Variants in CDKAL1 observed in about 807,000 individuals in gnomAD.
The protein encoded by CDKAL1 is CDKAL1 threonylcarbamoyladenosine tRNA methylthiotransferase.
Under a neutral mutation model 68.2 loss-of-function variants are expected in CDKAL1, and 32 were observed. The ratio of observed to expected loss-of-function variants is 0.47; its 90% CI spans 0.35 to 0.63. The LOEUF (loss-of-function observed/expected upper bound fraction) is 0.63. Ranked by LOEUF, CDKAL1 falls within the 30% of genes least tolerant of loss-of-function variation. The pLI, the probability that CDKAL1 is intolerant of heterozygous loss-of-function variation, is 0.00. For synonymous variants in CDKAL1, 234 were observed against 244.3 expected (o/e 0.96, Z 0.39); for missense variants, 606 against 696.7 (o/e 0.87, Z 1.47).
chr6:20,925,025 G>C (rs1561888789), intron 9 of CDKAL1, among the ~76,000 whole-genome samples: 1 of 152,178 alleles, frequency 6.6e-6, no homozygotes, highest in Non-Finnish European at 1.5e-5. Context: ...ATGCTACAGA[G>C]AATCTTTTGT....
At chr6:20,658,954 A>G (rs1021938125) in intron 5 of CDKAL1, among the ~76,000 whole-genome samples, 2 of 152,114 alleles carry the variant, frequency 1.3e-5, no homozygotes, top group African/African-American at 4.8e-5. Flanking sequence ...AGCTGGGACT[A>G]CAGGCATACA....
chr6:20,779,560 C>A (rs1166118095), intron 7 of CDKAL1, among the ~76,000 whole-genome samples: 1 of 152,146 alleles, frequency 6.6e-6, no homozygotes, highest in Non-Finnish European at 1.5e-5. Flanking sequence ...ATCCTGTGTT[C>A]TAAAATTGAG....
intron 9 of CDKAL1, among the ~76,000 whole-genome samples, chr6:20,914,095 C>G (rs1372748993): frequency 2.0e-5 from 3 of 152,152 alleles, no homozygotes; most frequent in African/African-American, 7.2e-5. Context: ...CGAGACCACC[C>G]TGGCTAACAC....
chr6:20,762,231 GC>G (rs577359693), intron 7 of CDKAL1, among the ~76,000 whole-genome samples: 4 of 152,166 alleles, frequency 2.6e-5, no homozygotes, highest in Non-Finnish European at 5.9e-5. Context: ...TTACTGATGA[GC>G]GTGGACTTGA....
chr6:21,225,202 T>C (rs1461172831), intron 15 of CDKAL1, among the ~76,000 whole-genome samples: 2 of 151,908 alleles, frequency 1.3e-5, no homozygotes, highest in Non-Finnish European at 2.9e-5. Flanking sequence ...GGGTGGGCAG[T>C]GGTTGAGAGA....
chr6:21,159,279 C>A (rs914733543), intron 13 of CDKAL1, among the ~76,000 whole-genome samples: 2 of 152,102 alleles, frequency 1.3e-5, no homozygotes, highest in Non-Finnish European at 2.9e-5. Context: ...ACATTTCACA[C>A]TGATTATAAG....
intron 10 of CDKAL1, among the ~76,000 whole-genome samples, chr6:20,972,728 G>A (rs1430824918): frequency 3.3e-5 from 5 of 152,128 alleles, no homozygotes; most frequent in Non-Finnish European, 7.4e-5. Flanking sequence ...AAGCATGCTT[G>A]ATTTTAGAAC....
At chr6:20,756,835 C>CCTTT (rs1192650676) in intron 6 of CDKAL1, 47 of 127,118 alleles carry the variant, frequency 3.7e-4, no homozygotes, top group Non-Finnish European at 6.3e-4. Context: ...TTCCTTCCTT[C>CCTTT]CTTTCTTCCT....
chr6:20,758,789 AT>A, intron 7 of CDKAL1, 146 bp downstream of exon 7: 1 of 619,660 alleles, frequency 1.6e-6, no homozygotes, highest in Non-Finnish European at 2.7e-6. Flanking sequence ...GGCTTCATGA[AT>A]TTGCCAGTCT....
intron 11 of CDKAL1, among the ~76,000 whole-genome samples, chr6:21,029,686 T>C (rs927016147): frequency 6.6e-6 from 1 of 152,082 alleles, no homozygotes; most frequent in African/African-American, 2.4e-5. Flanking sequence ...CAGACACTTC[T>C]CAAAAGAGGA....
At chr6:20,745,869 G>A (rs1361949538) in intron 6 of CDKAL1, among the ~76,000 whole-genome samples, 1 of 152,182 alleles carries the variant, frequency 6.6e-6, no homozygotes, top group African/African-American at 2.4e-5. Context: ...TTATTAATTG[G>A]TATTTTACAT....
rs546477258 is a variant in CDKAL1, at chr6:20,874,497, ATTTG to A, written c.742+28335_742+28338del. Among the ~76,000 whole-genome samples, 102 of 150,478 alleles carry A rather than the reference ATTTG, an allele frequency of 6.8e-4. No individual in the cohort carries two copies. The East Asian group carries it at 0.015, about 23-fold the overall frequency. On this transcript the variant is annotated intron_variant, in intron 9 of 15. Transcript: ENST00000274695. ...TTTTTTTTGTATTTTTATTTTATTTATTTGTTTGTTTGTTTGTTTATTTTTAAAC... is the reference window on the plus strand; with the variant it reads ...TTTTTTTTGTATTTTTATTTTATTTATTTGTTTGTTTGTTTATTTTTAAAC...
At chr6:21,221,098 C>T (rs1021903141) in intron 15 of CDKAL1, among the ~76,000 whole-genome samples, 2 of 151,818 alleles carry the variant, frequency 1.3e-5, no homozygotes, top group Non-Finnish European at 1.5e-5. Flanking sequence ...ACCCGGGAGG[C>T]GGAGGTTGCA....
chr6:20,838,867 T>C (rs796146873), intron 8 of CDKAL1, among the ~76,000 whole-genome samples: 8 of 151,562 alleles, frequency 5.3e-5, no homozygotes, highest in African/African-American at 1.9e-4. Flanking sequence ...CCCAGCTACT[T>C]GGGAGGCTGA....
At chr6:20,619,203 C>T (rs911950089) in intron 4 of CDKAL1, among the ~76,000 whole-genome samples, 2 of 152,146 alleles carry the variant, frequency 1.3e-5, no homozygotes, top group Non-Finnish European at 2.9e-5. Flanking sequence ...ACTTCAGAAA[C>T]TTAAAACATG....
chr6:20,846,396 C>T (rs1048430056), intron 9 of CDKAL1, among the ~76,000 whole-genome samples: 1 of 152,100 alleles, frequency 6.6e-6, no homozygotes, highest in South Asian at 2.1e-4. Context: ...TCTTATCACT[C>T]TAAGGTAAAT....
In CDKAL1 at chr6:20,596,420, G is replaced by C. The variant is rs564175797; in HGVS notation, c.286+47715G>C. 2.0e-3 allele frequency among the ~76,000 whole-genome samples: 311 copies of C among 152,322 alleles called. 1 individual carries two copies. The highest frequency in any genetic ancestry group is 6.8e-3 in the African/African-American group (284 of 41,574). ...CAGCGGCTTTGCCGAGCTGTGGTGG[G>C]CTCTGCCCAGTTCAAACTTCCTGGC... On this transcript the variant is annotated intron_variant, in intron 4 of 15. Transcript: ENST00000274695.
At chr6:21,018,355 A>G (rs1035818987) in intron 11 of CDKAL1, among the ~76,000 whole-genome samples, 2 of 152,334 alleles carry the variant, frequency 1.3e-5, no homozygotes, top group East Asian at 1.9e-4. Flanking sequence ...GTATACTTAT[A>G]GAGAGGGTCT....
chr6:20,948,636 G>A (rs549082699), intron 9 of CDKAL1, among the ~76,000 whole-genome samples: 12 of 152,258 alleles, frequency 7.9e-5, no homozygotes, highest in African/African-American at 2.4e-4. Context: ...TGGACTGCTA[G>A]CGTTGAGCCT....
Sources: gnomAD v4.1 joint callset for allele counts (sites outside exome capture counted in the v4.1 genomes callset) on GRCh38, gnomAD v4.1.1 for gene constraint, MANE v1.5 for transcripts, NCBI Gene and HGNC (gene_info 2026-07-23, HGNC 2026-07-21) for gene names.